The following PBX4 variants were observed in gnomAD, a reference collection of about 807,000 sequenced individuals.
The protein encoded by PBX4 is PBX homeobox 4, also known as pre-B-cell leukemia transcription factor 4.
In PBX4, 26 loss-of-function variants were observed where a neutral mutation model predicts 35.1. That is an observed-to-expected ratio of 0.74 (90% CI 0.54 to 1.03). PBX4 has a LOEUF of 1.03. PBX4 is among the 50% of genes least tolerant of loss of function. PBX4 has a pLI of 0.00. For synonymous variants in PBX4, 199 were observed against 204.2 expected (o/e 0.97, Z 0.22); for missense variants, 448 against 504.3 (o/e 0.89, Z 1.07).
At chr19:19,605,416 A>AAAT (rs34936775) in intron 1 of PBX4, among the ~76,000 whole-genome samples, 29,050 of 139,144 alleles carry the variant, frequency 0.21, 3,264 homozygotes, top group East Asian at 0.28. Flanking sequence ...CTCTGTCTCA[A>AAAT]AATAATAATA....
At chr19:19,579,525 T>C (rs538768022) in intron 2 of PBX4, among the ~76,000 whole-genome samples, 1 of 152,278 alleles carries the variant, frequency 6.6e-6, no homozygotes, top group African/African-American at 2.4e-5. Flanking sequence ...ACCTGCCCCC[T>C]CACCCACTCA....
chr19:19,610,876 G>T (rs570573719), intron 1 of PBX4, among the ~76,000 whole-genome samples: 1 of 152,286 alleles, frequency 6.6e-6, no homozygotes, highest in South Asian at 2.1e-4. Context: ...AGACTACAAG[G>T]CACGAAGTCA....
intron 1 of PBX4, among the ~76,000 whole-genome samples, chr19:19,618,002 C>CA (rs907354974): frequency 2.6e-5 from 4 of 152,046 alleles, no homozygotes; most frequent in East Asian, 1.9e-4. Context: ...ACAAAATATA[C>CA]AAAAAAATCA....
chr19:19,614,283 G>A (rs185942238), intron 1 of PBX4, among the ~76,000 whole-genome samples: 38 of 152,228 alleles, frequency 2.5e-4, no homozygotes, highest in African/African-American at 7.9e-4. Context: ...AGTGAGTTGA[G>A]ATCATACCAC....
chr19:19,587,869 C>T (rs16982921), intron 2 of PBX4, among the ~76,000 whole-genome samples: 3,302 of 151,974 alleles, frequency 0.022, 96 homozygotes, highest in South Asian at 0.078. Flanking sequence ...AGTTTTTCTC[C>T]GATACAGTGT....
intron 3 of PBX4, 81 bp downstream of exon 3, chr19:19,570,501 CGAAA>C (rs2061375355): frequency 3.8e-6 from 6 of 1,562,458 alleles, no homozygotes; most frequent in Non-Finnish European, 4.3e-6. Flanking sequence ...TTCTGCGCCA[CGAAA>C]GAAAGGTGGT....
At chr19:19,575,112 C>T (rs932849835) in intron 2 of PBX4, among the ~76,000 whole-genome samples, 8 of 151,994 alleles carry the variant, frequency 5.3e-5, no homozygotes, top group African/African-American at 1.7e-4. Flanking sequence ...TGGCGGGTGC[C>T]TGTAGTCCCA....
intron 2 of PBX4, among the ~76,000 whole-genome samples, chr19:19,580,790 C>G (rs2061449091): frequency 6.6e-6 from 1 of 152,204 alleles, no homozygotes; most frequent in African/African-American, 2.4e-5. Context: ...GTCACTCAGG[C>G]AGGAGTGCAG....
At chr19:19,583,995 C>G (rs146706622) in intron 2 of PBX4, among the ~76,000 whole-genome samples, 2,298 of 152,088 alleles carry the variant, frequency 0.015, 80 homozygotes, top group South Asian at 0.077. Flanking sequence ...CTTGAACCCA[C>G]GAGGCGGAGG....
In PBX4 at chr19:19,564,229, G is replaced by A. The variant is rs183300983; in HGVS notation, c.926-614C>T. On this transcript the variant is annotated intron_variant, in intron 6 of 7. Transcript: ENST00000251203. Reference sequence around the variant, plus strand: ...CATTGTTCAATTCCCACCTATGAGTGAGAATATGCGGTGTTTGGTTTTTTG... The same window carrying A: ...CATTGTTCAATTCCCACCTATGAGTAAGAATATGCGGTGTTTGGTTTTTTG... 8.9e-3 allele frequency among the ~76,000 whole-genome samples: 1,302 copies of A among 146,700 alleles called. 22 individuals carry two copies. Among genetic ancestry groups the A allele is most frequent in the African/African-American group, 0.032 (1,249 of 39,606 alleles).
chr19:19,577,308 G>A (rs1465433078), intron 2 of PBX4, among the ~76,000 whole-genome samples: 1 of 152,040 alleles, frequency 6.6e-6, no homozygotes, highest in Non-Finnish European at 1.5e-5. Flanking sequence ...TGAGATACTG[G>A]TTAACCTTGA....
chr19:19,576,680 T>G (rs1170683777), intron 2 of PBX4, among the ~76,000 whole-genome samples: 1 of 151,982 alleles, frequency 6.6e-6, no homozygotes, highest in African/African-American at 2.4e-5. Flanking sequence ...TATAGTAGCA[T>G]CATCATAGCT....
rs986479368 is a variant in PBX4, at chr19:19,563,151, C to T, written c.1032+358G>A. On this transcript the variant is annotated intron_variant, in intron 7 of 7. Coordinates refer to ENST00000251203, the MANE Select transcript of PBX4 (RefSeq NM_025245.3). This position sits in a 1 kb window ranked among gnomAD's most constrained non-coding sequence, Gnocchi z 5.1. ...GAGCCCGAGGGAAGGCCCCATCTCTCCTCCGGCCTCCTCTGCTGGCTGCCT... is the reference window on the plus strand; with the variant it reads ...GAGCCCGAGGGAAGGCCCCATCTCTTCTCCGGCCTCCTCTGCTGGCTGCCT... Among the ~76,000 whole-genome samples the T allele has an allele frequency of 4.6e-5, 7 of 152,162 alleles. No homozygotes were observed. Among genetic ancestry groups the T allele is most frequent in the Admixed American group, 3.9e-4 (6 of 15,280 alleles).
intron 2 of PBX4, among the ~76,000 whole-genome samples, chr19:19,596,503 C>A (rs2061562051): frequency 6.6e-6 from 1 of 152,042 alleles, no homozygotes; most frequent in Admixed American, 6.6e-5. Context: ...TCTGTAATAA[C>A]CCACAAATAT....
chr19:19,584,520 G>C (rs949177624), intron 2 of PBX4, among the ~76,000 whole-genome samples: 9 of 152,058 alleles, frequency 5.9e-5, no homozygotes, highest in Admixed American at 1.3e-4. Context: ...TGTCCCTACA[G>C]CTGGAGTAAC....
chr19:19,564,682 T>C (rs1001239560), intron 6 of PBX4: 2 of 477,058 alleles, frequency 4.2e-6, no homozygotes, highest in Admixed American at 6.9e-5. Context: ...ATTACAGGTG[T>C]GAGCCACCGC....
chr19:19,607,685 A>G (rs1013673667), intron 1 of PBX4, among the ~76,000 whole-genome samples: 2 of 152,218 alleles, frequency 1.3e-5, no homozygotes, highest in African/African-American at 4.8e-5. Context: ...GAAAATGAAT[A>G]AAAACATAAT....
chr19:19,604,466 C>CAAAAAAAAAAAAAAAAAAAAA (rs753893364), intron 1 of PBX4, among the ~76,000 whole-genome samples: 1 of 72,096 alleles, frequency 1.4e-5, no homozygotes, highest in Non-Finnish European at 2.3e-5. Context: ...GATTCCATCT[C>CAAAAAAAAAAAAAAAAAAAAA]AAAAAAAAAA....
Position 19,563,654 on chromosome 19 carries a change from GCCT to G in PBX4, c.926-42_926-40del. 3 of 1,512,412 alleles carry G rather than the reference GCCT, an allele frequency of 2.0e-6. No individual in the cohort carries two copies. Among genetic ancestry groups the G allele is most frequent in the Non-Finnish European group, 2.7e-6 (3 of 1,114,512 alleles). 93.7% of individuals were successfully genotyped at this position (1,512,412 alleles called of 1,614,324 possible). On this transcript the variant is annotated intron_variant, in intron 6 of 7. Coordinates refer to ENST00000251203, the MANE Select transcript of PBX4 (RefSeq NM_025245.3). This position sits in a 1 kb window ranked among gnomAD's most constrained non-coding sequence, Gnocchi z 5.1. ...GAGCCGGGGTGGGCAGAGTCGTGGC[GCCT>G]CCTCAGGTGGAACCCACCCAGCCCC...
Sources: gnomAD v4.1 joint callset for allele counts (sites outside exome capture counted in the v4.1 genomes callset) on GRCh38, gnomAD v4.1.1 for gene constraint, Gnocchi (gnomAD v3.1) non-coding constraint, MANE v1.5 for transcripts, NCBI Gene and HGNC (gene_info 2026-07-23, HGNC 2026-07-21) for gene names.